The following FGFR2 variants were observed in gnomAD, a reference collection of about 807,000 sequenced individuals.
FGFR2 encodes the protein BEK fibroblast growth factor receptor.
In FGFR2, 19 loss-of-function variants were observed where a neutral mutation model predicts 95.9. The observed-to-expected ratio is 0.20, with a 90% CI of 0.14 to 0.29. The LOEUF is 0.29. Ranked by LOEUF, FGFR2 falls within the 10% of genes least tolerant of loss-of-function variation. FGFR2 has a pLI of 1.00. For missense variants in FGFR2, 707 were observed against 1,056.9 expected, an observed-to-expected ratio of 0.67 and a Z score of 4.59; for synonymous variants, 392 against 393.3, an observed-to-expected ratio of 1.00 and a Z score of 0.04.
At chr10:121,572,585 A>C (rs1858986259) in intron 2 of FGFR2, among the ~76,000 whole-genome samples, 1 of 152,024 alleles carries the variant, frequency 6.6e-6, no homozygotes. Context: ...ATGCCATTGC[A>C]CTCCAGCCTG....
At position 121,478,826 on chromosome 10, in the gene FGFR2, A is replaced by C. The variant is rs1844327061; in HGVS notation, c.*1031T>G. On this transcript the variant is annotated 3_prime_UTR_variant, in exon 18 of 18. Transcript: ENST00000358487. Reference sequence around the variant, plus strand: ...AAGCAGAAGGCCAGCTGCCAGAGAGAAGCACATTCTGCTATCATTTCAACT... The same window carrying C: ...AAGCAGAAGGCCAGCTGCCAGAGAGCAGCACATTCTGCTATCATTTCAACT... 2 of 233,550 alleles carry C rather than the reference A, an allele frequency of 8.6e-6. No individual in the cohort carries two copies. The highest frequency in any genetic ancestry group is 5.6e-5 in the Admixed American group (1 of 17,776). The allele number at this position is 233,550 out of a possible 1,614,324, so 14.5% of individuals were successfully genotyped here.
In FGFR2 at chr10:121,502,417, T is replaced by C. The variant is rs983236535; in HGVS notation, c.1439+1373A>G. Among the ~76,000 whole-genome samples the C allele has an allele frequency of 1.5e-4, 23 of 152,336 alleles. No homozygotes were observed. In the East Asian group the frequency reaches 4.4e-3, roughly 29 times the overall value. ...TTTTCACTACAGTATACAAATCAAC[T>C]GGAAATTACTTCCATTAACACTCTA... On this transcript the variant is annotated intron_variant, in intron 10 of 17. Coordinates refer to ENST00000358487, the MANE Select transcript of FGFR2 (RefSeq NM_000141.5).
At chr10:121,594,035 T>G in intron 1 of FGFR2, 68 bp from the exon 2 acceptor site, 1 of 625,850 alleles carries the variant, frequency 1.6e-6, no homozygotes, top group East Asian at 2.8e-5. Flanking sequence ...CCAAGTGGGA[T>G]AAAACCATTT....
intron 5 of FGFR2, 122 bp from the exon 6 acceptor site, chr10:121,538,837 T>C: frequency 7.9e-7 from 1 of 1,258,748 alleles, no homozygotes; most frequent in Non-Finnish European, 1.1e-6. Flanking sequence ...ATCACCTAAA[T>C]TCTAAATTGA....
intron 6 of FGFR2, among the ~76,000 whole-genome samples, chr10:121,534,067 C>T (rs117820652): frequency 0.025 from 3,764 of 150,782 alleles, 86 homozygotes; most frequent in Non-Finnish European, 0.04. Context: ...CAGCCTCTGG[C>T]CACGTCTGTA....
At chr10:121,580,149 G>A (rs1445285776) in intron 2 of FGFR2, among the ~76,000 whole-genome samples, 1 of 152,178 alleles carries the variant, frequency 6.6e-6, no homozygotes, top group South Asian at 2.1e-4. Context: ...CTTTTAAAGT[G>A]GCCAAGGCTA....
intron 9 of FGFR2, among the ~76,000 whole-genome samples, chr10:121,509,537 A>T (rs1848781310): frequency 9.2e-6 from 1 of 108,932 alleles, no homozygotes; most frequent in African/African-American, 3.7e-5. Context: ...CACTCTCATT[A>T]TCCAGGCACG....
chr10:121,517,574 T>C lies in FGFR2; in HGVS notation c.940-111A>G, dbSNP rs1589829383. 1 of 1,282,190 alleles carries C rather than the reference T, an allele frequency of 7.8e-7. No individual in the cohort carries two copies. The highest frequency in any genetic ancestry group is 1.1e-6 in the Non-Finnish European group (1 of 897,962). 79.4% of individuals were successfully genotyped at this position (1,282,190 alleles called of 1,614,324 possible). ...GGGGGCTTCAGGGGGTGCTGGCCAC[T>C]GGGAGATTCCGACTGCAGCCCATCC... is the stretch of plus-strand genomic sequence containing the variant. On this transcript the variant is annotated intron_variant, in intron 7 of 17. Transcript: ENST00000358487. The surrounding 1 kb of genome is among the most constrained non-coding windows in gnomAD (Gnocchi z 4.7).
chr10:121,548,041 T>C (rs567172325), intron 5 of FGFR2, among the ~76,000 whole-genome samples: 2 of 152,150 alleles, frequency 1.3e-5, no homozygotes, highest in Non-Finnish European at 2.9e-5. Flanking sequence ...TAAGAGTTTC[T>C]GGCATCTCCA....
At position 121,480,015 on chromosome 10, in the gene FGFR2, A is replaced by G. The variant is rs201752803; in HGVS notation, c.2308T>C (p.Leu770=). 10 of 1,614,024 alleles carry G rather than the reference A, an allele frequency of 6.2e-6. No individual in the cohort carries two copies. Among genetic ancestry groups the G allele is most frequent in the Non-Finnish European group, 8.5e-6 (10 of 1,179,958 alleles). Residue 770 remains leucine, a synonymous_variant, in exon 18 of 18, where the codon TTG becomes CTG. Coordinates refer to ENST00000358487, the MANE Select transcript of FGFR2 (RefSeq NM_000141.5). ...TGTTCGAGAGGTTGGCTGAGGTCCA[A>G]GTATTCCTGAAAGAAGGGAAGAGAG... ...ILTLTTNEEY[L]DLSQPLEQYS...
At chr10:121,515,721 TAAG>T (rs1355109084) in intron 8 of FGFR2, among the ~76,000 whole-genome samples, 1 of 151,740 alleles carries the variant, frequency 6.6e-6, no homozygotes, top group Non-Finnish European at 1.5e-5. Flanking sequence ...CTTTTGTTTC[TAAG>T]GAGACAGTGA....
At chr10:121,583,417 A>G (rs1438148576) in intron 2 of FGFR2, 1 of 152,308 alleles carries the variant, frequency 6.6e-6, no homozygotes, top group African/African-American at 2.4e-5. Flanking sequence ...GAGATGGCTC[A>G]TGCATCAACG....
chr10:121,538,646 C>T lies in FGFR2; in HGVS notation c.694G>A (p.Val232Ile). The T allele has an allele frequency of 6.2e-7, 1 of 1,614,146 alleles. No individual in the cohort carries two copies. Among genetic ancestry groups the T allele is most frequent in the Non-Finnish European group, 8.5e-7 (1 of 1,180,014 alleles). ...ATGGACCCGTATTCATTCTCCACTACACAGGTATAATTTCCCTTGTCAGAT... is the reference window on the plus strand; with the variant it reads ...ATGGACCCGTATTCATTCTCCACTATACAGGTATAATTTCCCTTGTCAGAT... ...VPSDKGNYTC[V>I]VENEYGSINH... The change falls in exon 6 of 18, where the codon GTA (valine) becomes ATA (isoleucine). Residue 232 changes from valine to isoleucine, a missense_variant. Physicochemically the swap from Val to Ile is conservative, Grantham distance 29. Transcript: ENST00000358487.
chr10:121,532,935 T>C lies in FGFR2; in HGVS notation c.748+5657A>G, dbSNP rs149037686. On this transcript the variant is annotated intron_variant, in intron 6 of 17. Transcript: ENST00000358487. ...TGTCAAGGGCTAGTTGACAGTGCCA[T>C]GCTGATCTGCCGCCATCAAGTCAGG... Among the ~76,000 whole-genome samples the C allele has an allele frequency of 7.9e-3, 1,197 of 152,332 alleles. 23 individuals are homozygous for C. The highest frequency in any genetic ancestry group is 0.027 in the African/African-American group (1,137 of 41,588).
chr10:121,486,853 T>C (rs1016392303), intron 15 of FGFR2, among the ~76,000 whole-genome samples: 1 of 152,204 alleles, frequency 6.6e-6, no homozygotes, highest in Non-Finnish European at 1.5e-5. Flanking sequence ...CTATCAAGGA[T>C]GCCAAAGCAA....
rs886705511 is a variant in FGFR2, at chr10:121,531,910, A to G, written c.748+6682T>C. Among the ~76,000 whole-genome samples, 1 of 152,140 alleles carries G rather than the reference A, an allele frequency of 6.6e-6. No homozygotes were observed. The highest frequency in any genetic ancestry group is 2.4e-5 in the African/African-American group (1 of 41,430). On this transcript the variant is annotated intron_variant, in intron 6 of 17. Transcript: ENST00000358487. The surrounding 1 kb of genome is among the most constrained non-coding windows in gnomAD (Gnocchi z 4.5). ...GGCAAAAGGAAGGTGCTTCCTCCTCAACTCCGCTCCGGTTCCGTGATCTGT... is the reference window on the plus strand; with the variant it reads ...GGCAAAAGGAAGGTGCTTCCTCCTCGACTCCGCTCCGGTTCCGTGATCTGT...
intron 13 of FGFR2, among the ~76,000 whole-genome samples, chr10:121,492,748 G>C (rs1294164888): frequency 6.6e-6 from 1 of 152,154 alleles, no homozygotes; most frequent in Non-Finnish European, 1.5e-5. Context: ...ACCTATTCTG[G>C]GTCCTTAACT....
rs1276387170 is a variant in FGFR2, at chr10:121,538,626, C to A, written c.714G>T (p.Gly238=). Residue 238 remains glycine (G), a synonymous_variant, in exon 6 of 18, where the codon GGG becomes GGT. Coordinates refer to ENST00000358487, the MANE Select transcript of FGFR2 (RefSeq NM_000141.5). ...NYTCVVENEY[G]SINHTYHLDV... is the part of the protein sequence containing the mutation. The stretch of plus-strand genomic sequence containing the variant: ...CCAGGTGGTACGTGTGATTGATGGA[C>A]CCGTATTCATTCTCCACTACACAGG... 6.2e-7 allele frequency: 1 copy of A among 1,614,154 alleles called. No individual in the cohort carries two copies.
At chr10:121,580,435 T>A (rs1465539147) in intron 2 of FGFR2, among the ~76,000 whole-genome samples, 3 of 150,380 alleles carry the variant, frequency 2.0e-5, no homozygotes, top group Admixed American at 6.7e-5. Context: ...GTTTGAACGG[T>A]CTGCTTGAGG....
Sources: allele counts gnomAD v4.1 joint callset (sites outside exome capture counted in the v4.1 genomes callset), GRCh38; gene constraint gnomAD v4.1.1; non-coding constraint Gnocchi (gnomAD v3.1); transcripts MANE v1.5; gene names NCBI Gene and HGNC (gene_info 2026-07-23, HGNC 2026-07-21).